The following EVPL variants were observed in gnomAD, a reference collection of about 807,000 sequenced individuals.
The protein encoded by EVPL is 210 kDa cornified envelope precursor protein.
A neutral mutation model predicts 129.7 loss-of-function variants in EVPL; 94 were observed. The observed-to-expected ratio is 0.72, with a 90% CI of 0.61 to 0.86. The LOEUF is 0.86. Ranked by LOEUF, EVPL falls within the 40% of genes least tolerant of loss-of-function variation. The pLI, the probability that EVPL is intolerant of heterozygous loss-of-function variation, is 0.00. For synonymous variants in EVPL, 1,172 were observed against 1,191.1 expected, an observed-to-expected ratio of 0.98 and a Z score of 0.33; for missense variants, 2,625 against 2,721.1, an observed-to-expected ratio of 0.96 and a Z score of 0.79.
Position 76,008,029 on chromosome 17 carries a change from C to A in EVPL, c.5176G>T (p.Val1726Phe). Residue 1726 changes from valine (V) to phenylalanine (F), a missense_variant, in exon 22 of 22, where the codon GTC (valine) becomes TTC (phenylalanine). Physicochemically the swap from Val to Phe is conservative, Grantham distance 50 (BLOSUM62 -1). Transcript: ENST00000301607. The surrounding 1 kb of genome is among the most constrained non-coding windows in gnomAD (Gnocchi z 7.4). ...TCCCCACAGGGCCCCGAGGTGGTGA[C>A]CTCCTCCCAGTCACACTCGAGCTCC... ...LQELECDWEE[V>F]TTSGPCGEES... 6.2e-7 allele frequency: 1 copy of A among 1,614,128 alleles called. No homozygotes were observed. Among genetic ancestry groups the A allele is most frequent in the South Asian group, 1.1e-5 (1 of 91,072 alleles).
At position 76,011,931 on chromosome 17, in the gene EVPL, G is replaced by A. The variant is rs778572253; in HGVS notation, c.2458-49C>T. On this transcript the variant is annotated intron_variant, in intron 19 of 21. Transcript: ENST00000301607. ...AGGCTGGCAACCAGTGGGGGAGGCT[G>A]GGTGTGGGGGATAGGGCTGGAAGAG... The A allele has an allele frequency of 3.7e-6, 6 of 1,602,854 alleles. No homozygotes were observed. In the South Asian group the frequency reaches 5.5e-5, roughly 15 times the overall value.
intron 18 of EVPL, 44 bp downstream of exon 18, chr17:76,014,382 G>T: frequency 6.3e-7 from 1 of 1,579,288 alleles, no homozygotes; most frequent in South Asian, 1.1e-5. Context: ...TTGGCCACTA[G>T]GGGGCCACAT....
At position 76,015,477 on chromosome 17, in the gene EVPL, T is replaced by C; in HGVS notation, c.1862A>G (p.Gln621Arg). The change falls in exon 15 of 22, where the codon CAG (glutamine) becomes CGG (arginine). Residue 621 changes from glutamine to arginine, a missense_variant. Gln to Arg is a conservative substitution (Grantham distance 43). Transcript: ENST00000301607. ...CTCCCCGTAGAGGCTGCACAGAACC[T>C]GCACGTCACTGAACTTGTTCTTCAC... ...NSVKNKFSDVQVLCSLYGEKA... is the reference protein window; with the variant it reads ...NSVKNKFSDVRVLCSLYGEKA... The C allele has an allele frequency of 6.2e-7, 1 of 1,613,346 alleles. No homozygotes were observed.
At position 76,022,016 on chromosome 17, in the gene EVPL, A is replaced by G. The variant is rs766496333; in HGVS notation, c.658T>C (p.Trp220Arg). The change falls in exon 7 of 22, where the codon TGG becomes CGG. Residue 220 changes from tryptophan to arginine, a missense_variant. By Grantham distance (101) the Trp-to-Arg change is moderately radical. Around this residue, in one of 4 missense-constraint regions of EVPL, gnomAD observed 1,024 missense variants for 997.5 expected, o/e 1.03. Coordinates refer to ENST00000301607, the MANE Select transcript of EVPL (RefSeq NM_001988.4). This position sits in a 1 kb window ranked among gnomAD's most constrained non-coding sequence, Gnocchi z 5.6. ...QYRDLLKAASWRGQSLGSLYT... is the reference protein window; with the variant it reads ...QYRDLLKAASRRGQSLGSLYT... ...AGGCTGCCCAGGCTCTGCCCGCGCC[A>G]CGACGCCGCCTTCTGTGCTCAGGAC... The G allele has an allele frequency of 9.0e-6, 14 of 1,555,686 alleles. No homozygotes were observed. In the African/African-American group the frequency reaches 1.6e-4, roughly 18 times the overall value.
chr17:76,017,951 C>T (rs747655777), intron 13 of EVPL, 40 bp from the exon 14 acceptor site: 1 of 1,608,150 alleles, frequency 6.2e-7, no homozygotes, highest in South Asian at 1.1e-5. Flanking sequence ...GGGCCTATCT[C>T]CAGACTGCCA....
rs759748452 is a variant in EVPL at position 76,012,107 on chromosome 17, A to C, written c.2374-18T>G. On this transcript the variant is annotated intron_variant, in intron 18 of 21. Transcript: ENST00000301607. The stretch of plus-strand genomic sequence containing the variant: ...GTCAGCCTCTGCCAGGGAAGAACCC[A>C]GAGTCAGGAGGCCAGGAAATGCCAA... 7.5e-6 allele frequency: 12 copies of C among 1,597,750 alleles called. No individual in the cohort carries two copies. Among genetic ancestry groups the C allele is most frequent in the Non-Finnish European group, 1.0e-5 (12 of 1,172,440 alleles).
rs1806914 is a variant in EVPL, at chr17:76,022,559, C to G, written c.481-21G>C. ...TGCTTCTGCAGGAGAGCCGGCGGCT[C>G]AGTCCCCAAAGGACCGCGGTGGGGA... On this transcript the variant is annotated intron_variant, in intron 4 of 21. Transcript: ENST00000301607. The surrounding 1 kb of genome is among the most constrained non-coding windows in gnomAD (Gnocchi z 5.6). The G allele has an allele frequency of 0.078, 124,004 of 1,589,356 alleles. 8,105 individuals are homozygous for G. The highest frequency in any genetic ancestry group is 0.36 in the African/African-American group (26,568 of 74,670).
intron 12 of EVPL, 79 bp from the exon 13 acceptor site, chr17:76,018,337 G>T: frequency 6.6e-7 from 1 of 1,518,494 alleles, no homozygotes. Flanking sequence ...CGCAGCTTCA[G>T]GTGAAGGCCA....
rs958329771 is a variant in EVPL at position 76,012,106 on chromosome 17, C to T, written c.2374-17G>A. 1 of 1,600,806 alleles carries T rather than the reference C, an allele frequency of 6.2e-7. No homozygotes were observed. On this transcript the variant is annotated splice_polypyrimidine_tract_variant and intron_variant, in intron 18 of 21. Coordinates refer to ENST00000301607, the MANE Select transcript of EVPL (RefSeq NM_001988.4). The stretch of plus-strand genomic sequence containing the variant: ...CGTCAGCCTCTGCCAGGGAAGAACC[C>T]AGAGTCAGGAGGCCAGGAAATGCCA...
At chr17:76,019,196 C>A in intron 10 of EVPL, 136 bp from the exon 11 acceptor site, 1 of 975,926 alleles carries the variant, frequency 1.0e-6, no homozygotes, top group South Asian at 2.2e-5. Context: ...GTAAAAGGAG[C>A]CCCTCTCTGG....
chr17:76,023,279 T>C lies in EVPL; in HGVS notation c.480+13A>G, dbSNP rs1364833602. On this transcript the variant is annotated intron_variant, in intron 4 of 21. Coordinates refer to ENST00000301607, the MANE Select transcript of EVPL (RefSeq NM_001988.4). ...CCTCTGATCACACTGGGGTGTGACT[T>C]TGAGTTCCTGACCTGTTTCTGCTCC... 6.2e-7 allele frequency: 1 copy of C among 1,613,750 alleles called. No individual in the cohort carries two copies. Among genetic ancestry groups the C allele is most frequent in the East Asian group, 2.2e-5 (1 of 44,868 alleles).
At position 76,021,883 on chromosome 17, in the gene EVPL, A is replaced by T. The variant is rs34177536; in HGVS notation, c.791T>A (p.Val264Glu). 1.3e-3 allele frequency: 1,973 copies of T among 1,559,276 alleles called. 2 individuals carry two copies. The highest frequency in any genetic ancestry group is 1.2e-3 in the Non-Finnish European group (1,404 of 1,159,798). ...CCAGCCGACCTCGTACTCCCGCCGC[A>T]CGCCCGCAGGGTCGGCCATGAGGTC... ...WSDLMADPAG[V>E]RREYEHFKQH... The change falls in exon 7 of 22, where the codon GTG (valine) becomes GAG (glutamate). Residue 264 changes from valine to glutamate, a missense_variant. This residue lies in a region of EVPL where 1,024 missense variants were observed against 997.5 expected (regional missense o/e 1.03). Transcript: ENST00000301607.
chr17:76,017,830 T>G lies in EVPL; in HGVS notation c.1619A>C (p.Gln540Pro). The G allele has an allele frequency of 6.2e-7, 1 of 1,613,982 alleles. No individual in the cohort carries two copies. Among genetic ancestry groups the G allele is most frequent in the Non-Finnish European group, 8.5e-7 (1 of 1,180,030 alleles). Residue 540 changes from glutamine to proline, a missense_variant, in exon 14 of 22, where the codon CAG becomes CCG. By Grantham distance (76) the Gln-to-Pro change is moderately conservative. Coordinates refer to ENST00000301607, the MANE Select transcript of EVPL (RefSeq NM_001988.4). ...QMTRLDGDLG[Q>P]IERQVLAWAR... Reference sequence around the variant, plus strand: ...CCAGGCCAGCACCTGCCTCTCTATCTGTCCCAGGTCTCCATCCAGCCGGGT... The same window carrying G: ...CCAGGCCAGCACCTGCCTCTCTATCGGTCCCAGGTCTCCATCCAGCCGGGT...
At chr17:76,023,986 T>C (rs1598246185) in intron 2 of EVPL, 35 bp downstream of exon 2, 1 of 1,592,458 alleles carries the variant, frequency 6.3e-7, no homozygotes, top group African/African-American at 1.3e-5. Context: ...CCACCCAGCC[T>C]GTCCACGCCC....
rs1261117078 is a variant in EVPL, at chr17:76,010,449, G to A, written c.2756C>T (p.Ala919Val). 6.2e-7 allele frequency: 1 copy of A among 1,613,884 alleles called. No individual in the cohort carries two copies. The highest frequency in any genetic ancestry group is 8.5e-7 in the Non-Finnish European group (1 of 1,180,014). Residue 919 changes from alanine (A) to valine (V), a missense_variant, in exon 22 of 22, where the codon GCC becomes GTC. Physicochemically the swap from Ala to Val is moderately conservative, Grantham distance 64. Transcript: ENST00000301607. The stretch of plus-strand genomic sequence containing the variant: ...CCGCTTCCTCTCCTCTTCCAGCTGG[G>A]CCTTCAGGGCCTCTGACTCTCTCCC... ...QAGRESEALK[A>V]QLEEERKRVA...
rs1270021511 is a variant in EVPL at position 76,008,202 on chromosome 17, CG to C, written c.5002del (p.Arg1668GlyfsTer113). The C allele has an allele frequency of 2.5e-6, 4 of 1,614,096 alleles. No homozygotes were observed. Among genetic ancestry groups the C allele is most frequent in the Non-Finnish European group, 8.5e-7 (1 of 1,180,028 alleles). On this transcript the variant is annotated frameshift_variant, in exon 22 of 22. Coordinates refer to ENST00000301607, the MANE Select transcript of EVPL (RefSeq NM_001988.4). LOFTEE classifies it high-confidence loss of function. The surrounding 1 kb of genome is among the most constrained non-coding windows in gnomAD (Gnocchi z 7.4). ...TLRDLHAKVS[R>X]EELSQETQTR... ...CTGGGTCTCCTGGCTGAGCTCCTCC[CG>C]GCTCACCTTGGCGTGGAGGTCCCGG...
chr17:76,018,069 C>G (rs770855745), intron 13 of EVPL, 92 bp downstream of exon 13: 2 of 1,532,850 alleles, frequency 1.3e-6, no homozygotes, highest in Non-Finnish European at 1.8e-6. Context: ...GTCCCTAACC[C>G]AAGGCGACCC....
Position 76,017,801 on chromosome 17 carries a change from G to C in EVPL, c.1648C>G (p.Arg550Gly). The change falls in exon 14 of 22, where the codon CGG becomes GGG. Residue 550 changes from arginine (R) to glycine (G), a missense_variant. Transcript: ENST00000301607. Reference protein sequence around the residue: ...QIERQVLAWARAPLSRPTPLE... With the variant: ...QIERQVLAWAGAPLSRPTPLE... ...GGTGTGGGGCGGCTCAGCGGGGCCC[G>C]CGCCCAGGCCAGCACCTGCCTCTCT... 1 of 1,613,342 alleles carries C rather than the reference G, an allele frequency of 6.2e-7. No individual in the cohort carries two copies. Among genetic ancestry groups the C allele is most frequent in the Non-Finnish European group, 8.5e-7 (1 of 1,180,022 alleles).
At chr17:76,017,683 A>T (rs993168328) in intron 14 of EVPL, 56 bp downstream of exon 14, 2 of 1,576,374 alleles carry the variant, frequency 1.3e-6, no homozygotes, top group Non-Finnish European at 1.7e-6. Context: ...CTCAAGTGTG[A>T]GCACCAGGGC....
Sources: gnomAD v4.1 joint callset for allele counts on GRCh38, gnomAD v4.1.1 for gene constraint, gnomAD v4.1.1 regional missense constraint, Gnocchi (gnomAD v3.1) non-coding constraint, MANE v1.5 for transcripts, NCBI Gene and HGNC (gene_info 2026-07-23, HGNC 2026-07-21) for gene names.